The following FOXP1 variants were observed in gnomAD, a reference collection of about 807,000 sequenced individuals.
FOXP1 encodes forkhead box protein P1.
FOXP1 carries 15 observed loss-of-function variants against 98.2 expected under a neutral mutation model. The ratio of observed to expected loss-of-function variants is 0.15; its 90% confidence interval spans 0.10 to 0.24. The LOEUF (loss-of-function observed/expected upper bound fraction) is 0.24, where lower values mean the gene tolerates loss of function less well. Among genes scored for constraint, FOXP1 ranks in the 10% least tolerant of loss-of-function variants. The pLI is 1.00. For missense variants in FOXP1, 633 were observed against 848.5 expected (o/e 0.75, Z 3.15); for synonymous variants, 371 against 314.5 (o/e 1.18, Z -1.90).
chr3:71,254,812 A>T (rs149945655), intron 5 of FOXP1, among the ~76,000 whole-genome samples: 69 of 152,142 alleles, frequency 4.5e-4, no homozygotes, highest in African/African-American at 1.5e-3. Flanking sequence ...GCAAATCCAC[A>T]TTCATATCTC....
intron 4 of FOXP1, among the ~76,000 whole-genome samples, chr3:71,311,366 A>C (rs1438425501): frequency 6.6e-6 from 1 of 152,234 alleles, no homozygotes. Flanking sequence ...CTGGGATTAC[A>C]GGCATGAGCC....
intron 2 of FOXP1, among the ~76,000 whole-genome samples, chr3:71,498,130 G>A (rs1410831881): frequency 1.3e-5 from 2 of 152,196 alleles, no homozygotes; most frequent in Non-Finnish European, 2.9e-5. Flanking sequence ...CATGGAGAGA[G>A]AAGCGTGGAA....
intron 4 of FOXP1, among the ~76,000 whole-genome samples, chr3:71,327,225 G>A (rs1164305159): frequency 6.6e-6 from 1 of 151,168 alleles, no homozygotes; most frequent in Admixed American, 6.6e-5. Context: ...TGACTTTGAT[G>A]GATCAATGAG....
chr3:70,994,017 AAAGAAAAAGAAAAAG>A (rs1260968994), intron 13 of FOXP1, among the ~76,000 whole-genome samples: 1 of 151,072 alleles, frequency 6.6e-6, no homozygotes, highest in African/African-American at 2.4e-5. Flanking sequence ...AGAAAAAGAA[AAAGAAAAAGAAAAAG>A]AAAAAGAAAA....
At chr3:71,569,636 T>C (rs2047177662) in intron 2 of FOXP1, among the ~76,000 whole-genome samples, 1 of 152,168 alleles carries the variant, frequency 6.6e-6, no homozygotes, top group Non-Finnish European at 1.5e-5. Context: ...TATTCATATA[T>C]ATACATATAC....
At position 71,496,961 on chromosome 3, in the gene FOXP1, A is replaced by AGTGTGTGTGTGT. The variant is rs148821144; in HGVS notation, c.-297-3418_-297-3407dup. Among the ~76,000 whole-genome samples the AGTGTGTGTGTGT allele has an allele frequency of 7.5e-3, 1,118 of 149,442 alleles. 6 individuals are homozygous for AGTGTGTGTGTGT. The highest frequency in any genetic ancestry group is 0.031 in the Middle Eastern group (9 of 292). On this transcript the variant is annotated intron_variant, in intron 2 of 20. Transcript: ENST00000649528. The stretch of plus-strand genomic sequence containing the variant: ...GTGAATCACCACTGTGGTGTGTGGA[A>AGTGTGTGTGTGT]GTGTGTGTGTGTGTGTGTGTGTGTT...
At chr3:71,379,388 T>G (rs1386841060) in intron 3 of FOXP1, among the ~76,000 whole-genome samples, 1 of 152,172 alleles carries the variant, frequency 6.6e-6, no homozygotes, top group Non-Finnish European at 1.5e-5. Flanking sequence ...AAGTCTCATT[T>G]GGGTGCTGGT....
chr3:71,268,238 C>T (rs1038311334), intron 5 of FOXP1, among the ~76,000 whole-genome samples: 7 of 151,464 alleles, frequency 4.6e-5, no homozygotes, highest in African/African-American at 1.7e-4. Context: ...CTATAGGCGC[C>T]CGCCACCTCG....
At chr3:71,357,670 G>A (rs2078258175) in intron 4 of FOXP1, among the ~76,000 whole-genome samples, 1 of 152,178 alleles carries the variant, frequency 6.6e-6, no homozygotes. Flanking sequence ...CAGGGAAAGT[G>A]CTTTAAAAAG....
chr3:71,380,292 G>A (rs551641268), intron 3 of FOXP1, among the ~76,000 whole-genome samples: 342 of 152,250 alleles, frequency 2.2e-3, no homozygotes, highest in Non-Finnish European at 3.9e-3. Flanking sequence ...ATGGTGAGCC[G>A]CAGGTTCTAA....
At chr3:71,222,634 G>A (rs552263963) in intron 5 of FOXP1, among the ~76,000 whole-genome samples, 1 of 152,274 alleles carries the variant, frequency 6.6e-6, no homozygotes, top group South Asian at 2.1e-4. Flanking sequence ...GGCCAGGCTA[G>A]TCTCGAACTC....
chr3:71,514,184 T>C (rs2042397664), intron 2 of FOXP1, among the ~76,000 whole-genome samples: 1 of 152,210 alleles, frequency 6.6e-6, no homozygotes, highest in Non-Finnish European at 1.5e-5. Flanking sequence ...GCCTCCTGAC[T>C]GCCCTTTGAT....
intron 5 of FOXP1, among the ~76,000 whole-genome samples, chr3:71,287,835 C>G (rs2072317069): frequency 1.3e-5 from 2 of 152,038 alleles, no homozygotes; most frequent in African/African-American, 4.8e-5. Context: ...CAATGTTGAA[C>G]TGTTTAAATA....
At chr3:71,240,982 G>A (rs1002372567) in intron 5 of FOXP1, among the ~76,000 whole-genome samples, 8 of 151,620 alleles carry the variant, frequency 5.3e-5, no homozygotes, top group East Asian at 4.0e-4. Context: ...AGGCTTAGGC[G>A]GGCGGATCAC....
At chr3:71,304,525 C>T (rs2074111296) in intron 4 of FOXP1, among the ~76,000 whole-genome samples, 1 of 152,104 alleles carries the variant, frequency 6.6e-6, no homozygotes, top group African/African-American at 2.4e-5. Flanking sequence ...GTTAAAGTAC[C>T]TGTCTGTATT....
intron 7 of FOXP1, among the ~76,000 whole-genome samples, chr3:71,078,816 T>C (rs755477646): frequency 3.9e-5 from 6 of 151,942 alleles, no homozygotes; most frequent in Non-Finnish European, 7.4e-5. Flanking sequence ...AGCCCAGACT[T>C]CATTGGAGCC....
At chr3:70,998,270 A>G (rs2041653793) in intron 13 of FOXP1, among the ~76,000 whole-genome samples, 1 of 152,226 alleles carries the variant, frequency 6.6e-6, no homozygotes, top group African/African-American at 2.4e-5. Flanking sequence ...TAATCAGTAG[A>G]TGAATGGGCA....
At chr3:71,114,866 G>C (rs534425183) in intron 6 of FOXP1, among the ~76,000 whole-genome samples, 3 of 152,302 alleles carry the variant, frequency 2.0e-5, no homozygotes, top group Admixed American at 6.5e-5. Context: ...TGTCTCCTTG[G>C]AGACGCTCAG....
intron 12 of FOXP1, among the ~76,000 whole-genome samples, chr3:71,011,268 G>A (rs930312209): frequency 6.6e-6 from 1 of 152,076 alleles, no homozygotes; most frequent in African/African-American, 2.4e-5. Flanking sequence ...TTCACGTGGG[G>A]TGAACATCTC....
Sources: allele counts gnomAD v4.1 joint callset (sites outside exome capture counted in the v4.1 genomes callset), GRCh38; gene constraint gnomAD v4.1.1; transcripts MANE v1.5; gene names NCBI Gene and HGNC (gene_info 2026-07-23, HGNC 2026-07-21).